The following ADAMTS12 variants were observed in gnomAD, a reference collection of about 807,000 sequenced individuals.
The protein encoded by ADAMTS12 is ADAM metallopeptidase with thrombospondin type 1 motif 12.
In ADAMTS12, 118 loss-of-function variants were observed where a neutral mutation model predicts 167.8. The observed-to-expected ratio is 0.70, with a 90% confidence interval of 0.61 to 0.82. The LOEUF is 0.82. ADAMTS12 is among the 40% of genes least tolerant of loss of function. The pLI, the probability that ADAMTS12 is intolerant of heterozygous loss-of-function variation, is 0.00. For missense variants in ADAMTS12, 1,916 were observed against 1,998.8 expected (o/e 0.96, Z 0.79); for synonymous variants, 704 against 716.9 (o/e 0.98, Z 0.29).
chr5:33,618,565 T>G (rs1053548889), intron 14 of ADAMTS12, among the ~76,000 whole-genome samples: 1 of 152,230 alleles, frequency 6.6e-6, no homozygotes, highest in African/African-American at 2.4e-5. Flanking sequence ...GTCTATTTGT[T>G]TTCTGGCACT....
At chr5:33,819,317 CATTT>C (rs1166764482) in intron 2 of ADAMTS12, among the ~76,000 whole-genome samples, 1 of 152,104 alleles carries the variant, frequency 6.6e-6, no homozygotes, top group African/African-American at 2.4e-5. Context: ...TTCTCAGCAT[CATTT>C]ATTTAAGAGA....
At chr5:33,560,854 A>G (rs551943493) in intron 20 of ADAMTS12, among the ~76,000 whole-genome samples, 173 bp downstream of exon 20, 6 of 149,674 alleles carry the variant, frequency 4.0e-5, no homozygotes, top group South Asian at 2.2e-4. Flanking sequence ...CACCAACATG[A>G]CACATGTATA....
chr5:33,683,187 T>C, intron 4 of ADAMTS12, 86 bp from the exon 5 acceptor site: 1 of 1,063,768 alleles, frequency 9.4e-7, no homozygotes, highest in Non-Finnish European at 1.4e-6. Context: ...GTAATGCACA[T>C]AAAATAAAGG....
intron 3 of ADAMTS12, among the ~76,000 whole-genome samples, chr5:33,740,273 A>G (rs1744517355): frequency 6.6e-6 from 1 of 152,252 alleles, no homozygotes; most frequent in East Asian, 1.9e-4. Context: ...TCTATAGCAA[A>G]TAATACAGCA....
At chr5:33,582,419 T>C (rs922347065) in intron 18 of ADAMTS12, among the ~76,000 whole-genome samples, 1 of 152,172 alleles carries the variant, frequency 6.6e-6, no homozygotes, top group African/African-American at 2.4e-5. Context: ...CTCTCAAAAA[T>C]GCCCCTATCC....
At chr5:33,568,849 G>T (rs2111922833) in intron 19 of ADAMTS12, among the ~76,000 whole-genome samples, 1 of 152,356 alleles carries the variant, frequency 6.6e-6, no homozygotes, top group East Asian at 1.9e-4. Flanking sequence ...GTCAAGGAAA[G>T]GGGTGACAGA....
At chr5:33,780,499 G>T (rs1381993093) in intron 2 of ADAMTS12, among the ~76,000 whole-genome samples, 7 of 152,132 alleles carry the variant, frequency 4.6e-5, no homozygotes, top group Admixed American at 4.6e-4. Flanking sequence ...AAAACCAGTG[G>T]TGCCTCCTTA....
At chr5:33,603,467 T>C (rs1201968146) in intron 16 of ADAMTS12, 9 of 152,202 alleles carry the variant, frequency 5.9e-5, no homozygotes, top group African/African-American at 2.2e-4. Flanking sequence ...GGTAATTCTT[T>C]TCCAAGTTTC....
chr5:33,855,543 G>T (rs1421914981), intron 2 of ADAMTS12, among the ~76,000 whole-genome samples: 1 of 152,164 alleles, frequency 6.6e-6, no homozygotes, highest in Non-Finnish European at 1.5e-5. Flanking sequence ...AATAAAAATT[G>T]TCTTCATCTC....
chr5:33,780,016 T>C (rs1431412244), intron 2 of ADAMTS12, among the ~76,000 whole-genome samples: 1 of 152,204 alleles, frequency 6.6e-6, no homozygotes, highest in Non-Finnish European at 1.5e-5. Flanking sequence ...AACTGTGAGA[T>C]GATGGATATG....
chr5:33,563,250 CT>C (rs918314836), intron 19 of ADAMTS12, among the ~76,000 whole-genome samples: 1 of 152,202 alleles, frequency 6.6e-6, no homozygotes, highest in Non-Finnish European at 1.5e-5. Flanking sequence ...ATCGTTCATA[CT>C]TCCTTAAACC....
intron 16 of ADAMTS12, among the ~76,000 whole-genome samples, chr5:33,601,017 C>T (rs1302748195): frequency 6.6e-6 from 1 of 151,976 alleles, no homozygotes; most frequent in Middle Eastern, 3.2e-3. Context: ...TGTTTTCATG[C>T]TCTATGAGTT....
intron 2 of ADAMTS12, among the ~76,000 whole-genome samples, chr5:33,871,049 G>T (rs1750021350): frequency 6.6e-6 from 1 of 151,972 alleles, no homozygotes; most frequent in Non-Finnish European, 1.5e-5. Context: ...CCCCAAAAAA[G>T]ATATGAGAAC....
intron 1 of ADAMTS12, among the ~76,000 whole-genome samples, chr5:33,890,480 G>A (rs1362392946): frequency 6.6e-6 from 1 of 152,186 alleles, no homozygotes; most frequent in African/African-American, 2.4e-5. Flanking sequence ...AGCCACAGCA[G>A]ATGAGTTGTC....
At chr5:33,648,514 T>G (rs551989503) in intron 9 of ADAMTS12, among the ~76,000 whole-genome samples, 4 of 152,330 alleles carry the variant, frequency 2.6e-5, no homozygotes, top group African/African-American at 7.2e-5. Context: ...GGAGCAATTT[T>G]AGGGATTAAG....
chr5:33,678,613 C>T (rs1172569550), intron 5 of ADAMTS12, among the ~76,000 whole-genome samples: 1 of 152,112 alleles, frequency 6.6e-6, no homozygotes, highest in African/African-American at 2.4e-5. Flanking sequence ...AACAACAAGA[C>T]CAGAGGCAGG....
At chr5:33,688,265 C>T (rs189089544) in intron 3 of ADAMTS12, among the ~76,000 whole-genome samples, 3 of 152,192 alleles carry the variant, frequency 2.0e-5, no homozygotes, top group Non-Finnish European at 4.4e-5. Flanking sequence ...ATTCTCCCCA[C>T]TGAGACCATG....
intron 2 of ADAMTS12, among the ~76,000 whole-genome samples, chr5:33,831,737 G>A (rs1483285568): frequency 1.3e-5 from 2 of 152,044 alleles, no homozygotes; most frequent in East Asian, 3.9e-4. Context: ...TTTTATTCTG[G>A]CTGCTTTTTT....
intron 6 of ADAMTS12, among the ~76,000 whole-genome samples, chr5:33,660,106 G>A (rs1204343936): frequency 6.6e-6 from 1 of 152,152 alleles, no homozygotes; most frequent in Non-Finnish European, 1.5e-5. Context: ...CTGAGGGTGG[G>A]AAATACTGCT....
Sources: gnomAD v4.1 joint callset for allele counts (sites outside exome capture counted in the v4.1 genomes callset) on GRCh38, gnomAD v4.1.1 for gene constraint, MANE v1.5 for transcripts, NCBI Gene and HGNC (gene_info 2026-07-23, HGNC 2026-07-21) for gene names.